DDB1: variants seen among roughly 807,000 people sequenced by gnomAD.
DDB1 encodes DNA damage-binding protein 1.
Under a neutral mutation model 133.1 loss-of-function variants are expected in DDB1, and 18 were observed. The ratio of observed to expected loss-of-function variants is 0.14; its 90% CI spans 0.09 to 0.20. The LOEUF (loss-of-function observed/expected upper bound fraction) is 0.20, where lower values mean the gene tolerates loss of function less well. DDB1 is among the 10% of genes least tolerant of loss of function. The pLI is 1.00. For missense variants in DDB1, 828 were observed against 1,459.2 expected, an observed-to-expected ratio of 0.57 and a Z score of 7.05; for synonymous variants, 580 against 550.5, an observed-to-expected ratio of 1.05 and a Z score of -0.75.
chr11:61,322,894 G>C (rs1400386941), intron 8 of DDB1, 117 bp downstream of exon 8: 1 of 796,284 alleles, frequency 1.3e-6, no homozygotes, highest in East Asian at 2.7e-5. Context: ...GTAGAAAGCT[G>C]GATAGTAGGG....
Position 61,300,092 on chromosome 11 carries a change from C to T in DDB1, c.*44G>A. 1 of 1,602,178 alleles carries T rather than the reference C, an allele frequency of 6.2e-7. No homozygotes were observed. Among genetic ancestry groups the T allele is most frequent in the East Asian group, 2.2e-5 (1 of 44,836 alleles). On this transcript the variant is annotated 3_prime_UTR_variant, in exon 27 of 27. Coordinates refer to ENST00000301764, the MANE Select transcript of DDB1 (RefSeq NM_001923.5). ...GGAGAGGAGGGGGAGGGCAGCAGGG[C>T]AAAGCCTTTGGGGAGGGTCAGCAAA...
intron 25 of DDB1, 157 bp downstream of exon 25, chr11:61,302,099 AT>A: frequency 1.6e-6 from 1 of 628,170 alleles, no homozygotes; most frequent in South Asian, 1.9e-5. Context: ...TATGTTTGAA[AT>A]TTTCCACATG....
chr11:61,329,866 AAT>A (rs1413269096), intron 3 of DDB1, 90 bp downstream of exon 3: 2 of 1,109,956 alleles, frequency 1.8e-6, no homozygotes, highest in Non-Finnish European at 2.7e-6. Context: ...TCTCTGATCG[AAT>A]AGAGAGCTGC....
At position 61,304,027 on chromosome 11, in the gene DDB1, G is replaced by C. The variant is rs1402574748; in HGVS notation, c.2670C>G (p.Leu890=). 1.2e-6 allele frequency: 2 copies of C among 1,613,908 alleles called. No homozygotes were observed. The highest frequency in any genetic ancestry group is 1.7e-6 in the Non-Finnish European group (2 of 1,180,042). ...GCTCCTTCTCTGTTGTCCACTCATA[G>C]AGCCGCACCTGGGAAGGGCATTGTC... is the stretch of plus-strand genomic sequence containing the variant. ...LLASINSTVR[L]YEWTTEKELR... The change falls in exon 22 of 27, where the codon CTC becomes CTG. Residue 890 remains leucine, a synonymous_variant. Coordinates refer to ENST00000301764, the MANE Select transcript of DDB1 (RefSeq NM_001923.5).
intron 18 of DDB1, chr11:61,311,292 A>G (rs1000432082): frequency 2.7e-5 from 4 of 150,386 alleles, no homozygotes; most frequent in South Asian, 2.1e-4. Flanking sequence ...ATAACATAAC[A>G]TAACATAACA....
At chr11:61,316,426 G>A (rs775981088) in intron 11 of DDB1, 33 bp from the exon 12 acceptor site, 1 of 1,613,348 alleles carries the variant, frequency 6.2e-7, no homozygotes, top group African/African-American at 1.3e-5. Context: ...GGTCAGCCTG[G>A]GACCAGCTTC....
chr11:61,331,276 T>C (rs1856362584), intron 2 of DDB1, among the ~76,000 whole-genome samples: 1 of 151,920 alleles, frequency 6.6e-6, no homozygotes, highest in Admixed American at 6.6e-5. Context: ...AGAGAAGAGT[T>C]TTTCTCCTAA....
At chr11:61,332,828 C>G in intron 1 of DDB1, 80 bp downstream of exon 1, 2 of 1,298,200 alleles carry the variant, frequency 1.5e-6, no homozygotes, top group Non-Finnish European at 1.0e-6. Context: ...CCCGGCCGCC[C>G]CCGGGGCGGC....
chr11:61,317,055 C>A (rs1426613644), intron 10 of DDB1, among the ~76,000 whole-genome samples: 1 of 136,070 alleles, frequency 7.3e-6, no homozygotes, highest in Non-Finnish European at 1.6e-5. Context: ...TGAGCTGGAA[C>A]CCCCTCTCTG....
At chr11:61,330,514 T>C (rs1856349745) in intron 2 of DDB1, among the ~76,000 whole-genome samples, 1 of 152,226 alleles carries the variant, frequency 6.6e-6, no homozygotes, top group Non-Finnish European at 1.5e-5. Flanking sequence ...AAAAAATTGC[T>C]GTTTTGTTCA....
intron 1 of DDB1, 44 bp downstream of exon 1, chr11:61,332,864 C>T (rs56269746): frequency 4.9e-6 from 7 of 1,438,172 alleles, no homozygotes; most frequent in Middle Eastern, 2.2e-4. Flanking sequence ...GCGGCTCCCC[C>T]CAACTCCCTC....
rs781613654 is a variant in DDB1, at chr11:61,310,424, A to C, written c.2278-6T>G. 3.5e-5 allele frequency: 55 copies of C among 1,593,864 alleles called. No individual in the cohort carries two copies. Among genetic ancestry groups the C allele is most frequent in the Non-Finnish European group, 4.4e-5 (51 of 1,172,072 alleles). On this transcript the variant is annotated splice_region_variant and splice_polypyrimidine_tract_variant and intron_variant, in intron 18 of 26. Transcript: ENST00000301764. The stretch of plus-strand genomic sequence containing the variant: ...CTTACACTGCTGGACAGAGCCTGCA[A>C]ACAGAGAGAATGCACATCATCCTTC...
chr11:61,309,098 T>C (rs1330160410), intron 20 of DDB1, 21 bp from the exon 21 acceptor site: 2 of 1,609,806 alleles, frequency 1.2e-6, no homozygotes, highest in South Asian at 2.2e-5. Flanking sequence ...AAAAAATATG[T>C]TTGAGTCTCT....
chr11:61,332,890 C>T lies in DDB1; in HGVS notation c.61+18G>A, dbSNP rs1337081420. 1.4e-6 allele frequency: 2 copies of T among 1,471,462 alleles called. No homozygotes were observed. Among genetic ancestry groups the T allele is most frequent in the Admixed American group, 4.6e-5 (2 of 43,302 alleles). The allele number at this position is 1,471,462 out of a possible 1,614,324, so 91.2% of individuals were successfully genotyped here. ...CAACTCCCTCACTCGCCGGGGTCTC[C>T]GGCCCCGGCAGCCTCACCGGTCACG... On this transcript the variant is annotated intron_variant, in intron 1 of 26. Transcript: ENST00000301764.
intron 7 of DDB1, chr11:61,323,735 T>G: frequency 2.1e-6 from 1 of 471,038 alleles, no homozygotes; most frequent in Non-Finnish European, 3.9e-6. Flanking sequence ...TAATTCCAGA[T>G]TATATCCTTT....
intron 10 of DDB1, chr11:61,321,160 G>C (rs1856171357): frequency 6.5e-6 from 1 of 154,646 alleles, no homozygotes; most frequent in African/African-American, 2.4e-5. Flanking sequence ...GTAATGACAG[G>C]CATGAGCCAC....
intron 1 of DDB1, 119 bp downstream of exon 1, chr11:61,332,789 G>T: frequency 1.1e-6 from 1 of 873,192 alleles, no homozygotes; most frequent in Non-Finnish European, 1.6e-6. Context: ...TCGGCCGCCA[G>T]CGCCTTCCAT....
chr11:61,313,800 A>G, intron 15 of DDB1, 62 bp downstream of exon 15: 2 of 1,600,418 alleles, frequency 1.2e-6, no homozygotes, highest in Non-Finnish European at 1.7e-6. Context: ...GGGACTAAGA[A>G]TTCTGTGTAA....
intron 25 of DDB1, chr11:61,301,855 GCTT>G: frequency 6.1e-6 from 1 of 165,178 alleles, no homozygotes; most frequent in Non-Finnish European, 1.3e-5. Flanking sequence ...AGTGTTTTCC[GCTT>G]CTTCACCTTT....
Sources: gnomAD v4.1 joint callset for allele counts (sites outside exome capture counted in the v4.1 genomes callset) on GRCh38, gnomAD v4.1.1 for gene constraint, MANE v1.5 for transcripts, NCBI Gene and HGNC (gene_info 2026-07-23, HGNC 2026-07-21) for gene names.